Variants in PTGFRN observed in about 807,000 individuals in gnomAD.
PTGFRN encodes the protein prostaglandin F2 receptor inhibitor, also known as prostaglandin F2 receptor negative regulator.
In PTGFRN, 35 loss-of-function variants were observed where a neutral mutation model predicts 83.2. That is an observed-to-expected ratio of 0.42 (90% CI 0.32 to 0.56). PTGFRN has a LOEUF of 0.56. Ranked by LOEUF, PTGFRN falls within the 20% of genes least tolerant of loss-of-function variation. The pLI, the probability that PTGFRN is intolerant of heterozygous loss-of-function variation, is 0.11. For missense variants in PTGFRN, 1,051 were observed against 1,179.5 expected, an observed-to-expected ratio of 0.89 and a Z score of 1.60; for synonymous variants, 519 against 498.6, an observed-to-expected ratio of 1.04 and a Z score of -0.55.
At chr1:116,943,733 G>T (rs1650114112) in intron 2 of PTGFRN, among the ~76,000 whole-genome samples, 3 of 152,068 alleles carry the variant, frequency 2.0e-5, no homozygotes, top group African/African-American at 7.2e-5. Flanking sequence ...AGTAGAGATG[G>T]GTCTTCAGGA....
rs866600939 is a variant in PTGFRN, at chr1:116,989,457, C to T, written c.*2490C>T. 6.6e-6 allele frequency: 1 copy of T among 152,506 alleles called. No individual in the cohort carries two copies. Among genetic ancestry groups the T allele is most frequent in the African/African-American group, 2.4e-5 (1 of 41,400 alleles). 9.4% of individuals were successfully genotyped at this position (152,506 alleles called of 1,614,324 possible). A position where few individuals can be genotyped will look rare whatever the true frequency, so the allele number is the denominator to read the frequency against. On this transcript the variant is annotated 3_prime_UTR_variant, in exon 9 of 9. Transcript: ENST00000393203. ...TGTTGTACCAAATAGGGCTCCCCAC[C>T]CCACCCCTGCGACAAGTGCTCTTCT... is the stretch of plus-strand genomic sequence containing the variant.
intron 6 of PTGFRN, among the ~76,000 whole-genome samples, chr1:116,968,559 A>G (rs1483539556): frequency 2.0e-5 from 3 of 152,146 alleles, no homozygotes; most frequent in Non-Finnish European, 4.4e-5. Context: ...GATATAACTC[A>G]CATACTATAA....
Position 116,935,991 on chromosome 1 carries a change from T to A in PTGFRN, c.50-5724T>A, listed in dbSNP as rs115047543. ...GATTGTTACTTAGTAGCGGCATTTT[T>A]ATGGGGAACTAAACTAATACAGTTC... On this transcript the variant is annotated intron_variant, in intron 1 of 8. Coordinates refer to ENST00000393203, the MANE Select transcript of PTGFRN (RefSeq NM_020440.4). 3.6e-3 allele frequency among the ~76,000 whole-genome samples: 553 copies of A among 152,292 alleles called. 2 individuals carry two copies. Among genetic ancestry groups the A allele is most frequent in the Non-Finnish European group, 6.8e-3 (463 of 68,024 alleles).
At chr1:116,947,769 C>T (rs1372321693) in intron 3 of PTGFRN, among the ~76,000 whole-genome samples, 1 of 152,218 alleles carries the variant, frequency 6.6e-6, no homozygotes, top group Admixed American at 6.5e-5. Flanking sequence ...AACTGCAGAG[C>T]CTGGCTCAGG....
intron 6 of PTGFRN, 139 bp downstream of exon 6, chr1:116,967,469 T>C (rs1238092839): frequency 4.4e-6 from 4 of 910,196 alleles, no homozygotes; most frequent in African/African-American, 1.7e-5. Flanking sequence ...AAGTGTGTAA[T>C]TCAGTGGCTT....
chr1:116,976,494 A>G (rs1465932743), intron 7 of PTGFRN, among the ~76,000 whole-genome samples: 1 of 152,236 alleles, frequency 6.6e-6, no homozygotes, highest in African/African-American at 2.4e-5. Context: ...TTACCCACAA[A>G]GGGAAGCCCA....
At chr1:116,914,159 G>C (rs1649341565) in intron 1 of PTGFRN, among the ~76,000 whole-genome samples, 1 of 152,216 alleles carries the variant, frequency 6.6e-6, no homozygotes, top group Non-Finnish European at 1.5e-5. Context: ...GCTGGTGGCA[G>C]TTCTGCTGTC....
At chr1:116,925,079 T>C (rs1183208667) in intron 1 of PTGFRN, among the ~76,000 whole-genome samples, 1 of 152,164 alleles carries the variant, frequency 6.6e-6, no homozygotes, top group Non-Finnish European at 1.5e-5. Context: ...AGTAGGTTTT[T>C]GTCTGGCAGA....
chr1:116,933,045 C>A (rs914186879), intron 1 of PTGFRN, among the ~76,000 whole-genome samples: 1 of 152,182 alleles, frequency 6.6e-6, no homozygotes, highest in Non-Finnish European at 1.5e-5. Flanking sequence ...TCAGTGCATG[C>A]CATGTAAGAA....
chr1:116,973,867 G>A (rs1041010572), intron 6 of PTGFRN, among the ~76,000 whole-genome samples: 5 of 152,162 alleles, frequency 3.3e-5, no homozygotes, highest in African/African-American at 1.2e-4. Flanking sequence ...AAGCCACCCT[G>A]GCCTAGAAGT....
chr1:116,924,221 C>T (rs569961232), intron 1 of PTGFRN, among the ~76,000 whole-genome samples: 2 of 147,190 alleles, frequency 1.4e-5, no homozygotes, highest in East Asian at 4.0e-4. Flanking sequence ...AGTCTCGGCT[C>T]ATTGCAACCT....
chr1:116,974,207 T>C lies in PTGFRN; in HGVS notation c.2060-9T>C. On this transcript the variant is annotated splice_polypyrimidine_tract_variant and intron_variant, in intron 6 of 8. Transcript: ENST00000393203. ...GAGAATAATGAGGCTGGCATTACTTTTTTTCCAGGTCCTATATTTAATGCT... is the reference window on the plus strand; with the variant it reads ...GAGAATAATGAGGCTGGCATTACTTCTTTTCCAGGTCCTATATTTAATGCT... 1 of 1,577,734 alleles carries C rather than the reference T, an allele frequency of 6.3e-7. No homozygotes were observed. The highest frequency in any genetic ancestry group is 8.7e-7 in the Non-Finnish European group (1 of 1,148,984).
At chr1:116,960,553 G>A (rs574451209) in intron 4 of PTGFRN, among the ~76,000 whole-genome samples, 11 of 152,308 alleles carry the variant, frequency 7.2e-5, no homozygotes, top group African/African-American at 2.6e-4. Context: ...GCTCACTAGG[G>A]CAAGATTCAC....
At position 116,940,469 on chromosome 1, in the gene PTGFRN, A is replaced by C. The variant is rs561758249; in HGVS notation, c.50-1246A>C. Among the ~76,000 whole-genome samples the C allele has an allele frequency of 1.4e-4, 21 of 152,354 alleles. No homozygotes were observed. In the East Asian group the frequency reaches 4.0e-3, roughly 29 times the overall value. On this transcript the variant is annotated intron_variant, in intron 1 of 8. Coordinates refer to ENST00000393203, the MANE Select transcript of PTGFRN (RefSeq NM_020440.4). ...CCCTATTCCAGTATGACCTCATCAC[A>C]ACTAATTATATCTGTGACAACCCTG... is the stretch of plus-strand genomic sequence containing the variant.
rs550973674 is a variant in PTGFRN, at chr1:116,948,013, T to G, written c.833-1179T>G. Among the ~76,000 whole-genome samples, 19 of 152,348 alleles carry G rather than the reference T, an allele frequency of 1.2e-4. No individual in the cohort carries two copies. In the South Asian group the frequency reaches 3.7e-3, roughly 30 times the overall value. On this transcript the variant is annotated intron_variant, in intron 3 of 8. Coordinates refer to ENST00000393203, the MANE Select transcript of PTGFRN (RefSeq NM_020440.4). The stretch of plus-strand genomic sequence containing the variant: ...TTGTCAGGCTTTGGACATATTCATA[T>G]GAAAGTAATTTACGCCAAGGAGCAC...
chr1:116,916,394 A>G (rs1649407527), intron 1 of PTGFRN, among the ~76,000 whole-genome samples: 1 of 152,314 alleles, frequency 6.6e-6, no homozygotes, highest in East Asian at 1.9e-4. Flanking sequence ...TGAAATAGAG[A>G]TAGTGGGCAG....
chr1:116,980,494 G>A (rs550794041), intron 7 of PTGFRN, among the ~76,000 whole-genome samples: 3 of 152,156 alleles, frequency 2.0e-5, no homozygotes, highest in Non-Finnish European at 2.9e-5. Context: ...AGAAAATGTG[G>A]CACATATACA....
Position 116,938,057 on chromosome 1 carries a change from G to A in PTGFRN, c.50-3658G>A, listed in dbSNP as rs527506955. ...AGATCTCATTGGGAGATTCAGAATT[G>A]TCTGGTTGTCTCAAAAATTAAATGT... On this transcript the variant is annotated intron_variant, in intron 1 of 8. Coordinates refer to ENST00000393203, the MANE Select transcript of PTGFRN (RefSeq NM_020440.4). 4.6e-5 allele frequency among the ~76,000 whole-genome samples: 7 copies of A among 152,298 alleles called. No individual in the cohort carries two copies. The South Asian group carries it at 1.0e-3, about 23-fold the overall frequency.
intron 7 of PTGFRN, among the ~76,000 whole-genome samples, chr1:116,977,525 T>C (rs991175531): frequency 6.6e-6 from 1 of 152,208 alleles, no homozygotes; most frequent in Non-Finnish European, 1.5e-5. Flanking sequence ...TAACAATCTC[T>C]CAGACCACAC....
Sources: allele counts gnomAD v4.1 joint callset (sites outside exome capture counted in the v4.1 genomes callset), GRCh38; gene constraint gnomAD v4.1.1; transcripts MANE v1.5; gene names NCBI Gene and HGNC (gene_info 2026-07-23, HGNC 2026-07-21).